The following SESN1 variants were observed in gnomAD, a reference collection of about 807,000 sequenced individuals.
The protein encoded by SESN1 is sestrin 1.
Under a neutral mutation model 59.3 loss-of-function variants are expected in SESN1, and 30 were observed. The ratio of observed to expected loss-of-function variants is 0.51; its 90% CI spans 0.38 to 0.69. The LOEUF is 0.69. Among genes scored for constraint, SESN1 ranks in the 30% least tolerant of loss-of-function variants. The probability of loss-of-function intolerance (pLI) is 0.00; values close to 1 mark genes in which losing one functional copy is unlikely to be tolerated. For synonymous variants in SESN1, 197 were observed against 219.9 expected, an observed-to-expected ratio of 0.90 and a Z score of 0.92; for missense variants, 566 against 673.0, an observed-to-expected ratio of 0.84 and a Z score of 1.76.
intron 5 of SESN1, among the ~76,000 whole-genome samples, chr6:108,995,306 G>C (rs2114283281): frequency 6.6e-6 from 1 of 152,286 alleles, no homozygotes; most frequent in Admixed American, 6.5e-5. Context: ...TGCATCAACT[G>C]TGTACACTGG....
At chr6:109,027,515 C>T (rs888284406) in intron 1 of SESN1, among the ~76,000 whole-genome samples, 2 of 148,548 alleles carry the variant, frequency 1.3e-5, no homozygotes, top group Non-Finnish European at 1.5e-5. Flanking sequence ...GACATCTTCA[C>T]CAATGCTCAG....
intron 1 of SESN1, among the ~76,000 whole-genome samples, chr6:109,026,827 CA>C (rs1343920076): frequency 6.6e-6 from 1 of 151,998 alleles, no homozygotes. Flanking sequence ...AAGTAACTGC[CA>C]AACTGTTTTC....
At chr6:108,990,137 C>T (rs777012698) in intron 8 of SESN1, among the ~76,000 whole-genome samples, 1 of 152,206 alleles carries the variant, frequency 6.6e-6, no homozygotes, top group African/African-American at 2.4e-5. Context: ...TATACAATGA[C>T]TGCATTTTCA....
intron 1 of SESN1, among the ~76,000 whole-genome samples, chr6:109,041,188 T>C (rs2086967491): frequency 6.6e-6 from 1 of 150,520 alleles, no homozygotes; most frequent in Non-Finnish European, 1.5e-5. Context: ...GGCATGCACC[T>C]ATAGTCCCAG....
intron 9 of SESN1, chr6:108,988,329 C>T (rs575688875): frequency 1.2e-4 from 50 of 405,236 alleles, no homozygotes; most frequent in Non-Finnish European, 1.8e-4. Flanking sequence ...CTTCTGAAGA[C>T]GGGCCAGCCC....
intron 1 of SESN1, among the ~76,000 whole-genome samples, chr6:109,027,124 T>G (rs1315659543): frequency 1.3e-5 from 2 of 151,506 alleles, no homozygotes; most frequent in Non-Finnish European, 2.9e-5. Flanking sequence ...GGGCTGAGAT[T>G]GCATCACTGC....
In SESN1 at chr6:109,090,849, A is replaced by G. The variant is rs559674850; in HGVS notation, c.279+2946T>C. 2.0e-5 allele frequency among the ~76,000 whole-genome samples: 3 copies of G among 152,190 alleles called. No homozygotes were observed. In the South Asian group the frequency reaches 6.2e-4, roughly 32 times the overall value. The stretch of plus-strand genomic sequence containing the variant: ...CAATGAGACAATCACAGCTCACTGC[A>G]ACCTCGAACTCTTGGGCTCAAGCGA... On this transcript the variant is annotated intron_variant, in intron 1 of 9. Coordinates refer to ENST00000436639, the MANE Select transcript of SESN1 (RefSeq NM_014454.3).
chr6:109,089,586 G>T (rs147279715), intron 1 of SESN1, among the ~76,000 whole-genome samples: 3 of 152,052 alleles, frequency 2.0e-5, no homozygotes, highest in African/African-American at 7.2e-5. Context: ...TGTCTCATAG[G>T]CAACTTAAAC....
intron 1 of SESN1, among the ~76,000 whole-genome samples, chr6:109,003,048 C>CCTTA (rs1258336920): frequency 6.6e-6 from 1 of 151,944 alleles, no homozygotes; most frequent in African/African-American, 2.4e-5. Flanking sequence ...GAATCCTGTA[C>CCTTA]CTTATGTGAT....
At chr6:109,087,414 GA>G (rs1334640967) in intron 1 of SESN1, among the ~76,000 whole-genome samples, 2 of 152,106 alleles carry the variant, frequency 1.3e-5, no homozygotes. Context: ...CAGAAAACCT[GA>G]GAATAAAGAA....
intron 1 of SESN1, among the ~76,000 whole-genome samples, chr6:109,082,276 C>T (rs367881030): frequency 4.6e-5 from 7 of 152,192 alleles, no homozygotes; most frequent in African/African-American, 1.7e-4. Flanking sequence ...GCATATAGTG[C>T]TAGAGGGCTC....
intron 1 of SESN1, among the ~76,000 whole-genome samples, chr6:109,081,648 A>C (rs1212872973): frequency 6.6e-6 from 1 of 152,178 alleles, no homozygotes. Context: ...ATTTTAAAGC[A>C]GACAGGAAAG....
At chr6:109,009,687 C>G in intron 1 of SESN1, 1 of 425,960 alleles carries the variant, frequency 2.3e-6, no homozygotes, top group Non-Finnish European at 3.2e-6. Flanking sequence ...GGCGCGGAGG[C>G]TGGGAACTGG....
chr6:109,079,879 T>C (rs2114474391), intron 1 of SESN1, among the ~76,000 whole-genome samples: 1 of 152,320 alleles, frequency 6.6e-6, no homozygotes, highest in East Asian at 1.9e-4. Flanking sequence ...AGCATACAAA[T>C]GGGAGAATGA....
chr6:109,014,812 T>G (rs1779907960), intron 1 of SESN1, among the ~76,000 whole-genome samples: 1 of 152,136 alleles, frequency 6.6e-6, no homozygotes, highest in Admixed American at 6.6e-5. Context: ...CTCCTACATG[T>G]TCCTCACATG....
chr6:109,022,788 A>G (rs1251589834), intron 1 of SESN1, among the ~76,000 whole-genome samples: 1 of 152,150 alleles, frequency 6.6e-6, no homozygotes, highest in Non-Finnish European at 1.5e-5. Flanking sequence ...TTCATTTTAG[A>G]AATGGGAAAC....
chr6:109,025,421 A>C (rs1232592421), intron 1 of SESN1, among the ~76,000 whole-genome samples: 2 of 151,922 alleles, frequency 1.3e-5, no homozygotes, highest in African/African-American at 4.8e-5. Flanking sequence ...TCCAATGAAT[A>C]TAAGCTTACA....
chr6:109,093,956 G>A lies in SESN1; in HGVS notation c.118C>T (p.Arg40Cys), dbSNP rs757998541. Residue 40 changes from arginine to cysteine, a missense_variant, in exon 1 of 10, where the codon CGT becomes TGT. By Grantham distance (180) the Arg-to-Cys change is radical. Coordinates refer to ENST00000436639, the MANE Select transcript of SESN1 (RefSeq NM_014454.3). ...CGATGAGGTGTTTCTTTCACCGAAC[G>A]AAGATACTCGGTTTTCCTCAAAATG... ...QTILRKTEYL[R>C]SVKETPHRPS... is the part of the protein sequence containing the mutation. 4 of 1,614,070 alleles carry A rather than the reference G, an allele frequency of 2.5e-6. No individual in the cohort carries two copies. The highest frequency in any genetic ancestry group is 1.7e-5 in the Admixed American group (1 of 60,004).
chr6:109,073,379 C>T (rs1000470357), intron 1 of SESN1, among the ~76,000 whole-genome samples: 1 of 152,108 alleles, frequency 6.6e-6, no homozygotes, highest in Non-Finnish European at 1.5e-5. Flanking sequence ...TGGTTATTTT[C>T]TCAATAGATG....
Sources: gnomAD v4.1 joint callset for allele counts (sites outside exome capture counted in the v4.1 genomes callset) on GRCh38, gnomAD v4.1.1 for gene constraint, MANE v1.5 for transcripts, NCBI Gene and HGNC (gene_info 2026-07-23, HGNC 2026-07-21) for gene names.